RTN4RL1: variants seen among roughly 807,000 people sequenced by gnomAD.
RTN4RL1 encodes the protein reticulon-4 receptor-like 1.
Under a neutral mutation model 25.6 loss-of-function variants are expected in RTN4RL1, and 7 were observed. The observed-to-expected ratio is 0.27, with a 90% CI of 0.16 to 0.51. The LOEUF (loss-of-function observed/expected upper bound fraction) is 0.51, where lower values mean the gene tolerates loss of function less well. RTN4RL1 is among the 20% of genes least tolerant of loss of function. The pLI, the probability that RTN4RL1 is intolerant of heterozygous loss-of-function variation, is 0.97. For missense variants in RTN4RL1, 500 were observed against 615.6 expected (o/e 0.81, Z 1.99); for synonymous variants, 297 against 288.2 (o/e 1.03, Z -0.31).
chr17:1,962,450 C>T (rs956288875), intron 1 of RTN4RL1, among the ~76,000 whole-genome samples: 4 of 138,732 alleles, frequency 2.9e-5, no homozygotes, highest in African/African-American at 9.9e-5. Flanking sequence ...CTCCGTCTCC[C>T]GGGTTCAAGT....
At chr17:1,993,203 G>A (rs958517985) in intron 1 of RTN4RL1, among the ~76,000 whole-genome samples, 1 of 152,074 alleles carries the variant, frequency 6.6e-6, no homozygotes. Flanking sequence ...AGCTGAGATC[G>A]CGCCACCGCA....
At chr17:2,002,098 G>T (rs1244142079) in intron 1 of RTN4RL1, among the ~76,000 whole-genome samples, 1 of 151,710 alleles carries the variant, frequency 6.6e-6, no homozygotes. Flanking sequence ...TGAGGAGAAA[G>T]AAATACATAT....
intron 1 of RTN4RL1, chr17:2,020,244 T>A (rs556360256): frequency 1.3e-5 from 2 of 152,276 alleles, no homozygotes; most frequent in South Asian, 4.1e-4. Flanking sequence ...TAAGGGTTCT[T>A]CTATCTCCCC....
At chr17:1,969,040 G>A (rs552737162) in intron 1 of RTN4RL1, among the ~76,000 whole-genome samples, 2 of 149,886 alleles carry the variant, frequency 1.3e-5, no homozygotes, top group East Asian at 3.9e-4. Flanking sequence ...GACTCGTGGG[G>A]GAGCTGGACC....
intron 1 of RTN4RL1, among the ~76,000 whole-genome samples, chr17:1,979,964 C>T (rs2066860192): frequency 6.6e-6 from 1 of 152,200 alleles, no homozygotes; most frequent in African/African-American, 2.4e-5. Context: ...TGCTGAGCCC[C>T]AGGAGCTGAA....
intron 1 of RTN4RL1, among the ~76,000 whole-genome samples, chr17:1,938,717 C>G (rs983985746): frequency 6.6e-6 from 1 of 152,060 alleles, no homozygotes; most frequent in Non-Finnish European, 1.5e-5. Context: ...TCAAAACATA[C>G]GGGCAACACC....
At chr17:1,967,529 C>T (rs1008011121) in intron 1 of RTN4RL1, among the ~76,000 whole-genome samples, 13 of 152,130 alleles carry the variant, frequency 8.5e-5, no homozygotes, top group African/African-American at 2.7e-4. Context: ...CTCCAAAGGC[C>T]GCCTCCTCCC....
chr17:2,010,572 G>A (rs1186397892), intron 1 of RTN4RL1, among the ~76,000 whole-genome samples: 1 of 152,024 alleles, frequency 6.6e-6, no homozygotes, highest in Non-Finnish European at 1.5e-5. Flanking sequence ...TATTTATTTA[G>A]AGATGGGGTC....
rs1915327944 is a variant in RTN4RL1, at chr17:1,937,221, G to A, written c.601C>T (p.Arg201Cys). 2 of 1,612,272 alleles carry A rather than the reference G, an allele frequency of 1.2e-6. No homozygotes were observed. Among genetic ancestry groups the A allele is most frequent in the Non-Finnish European group, 8.5e-7 (1 of 1,179,862 alleles). The change falls in exon 2 of 2, where the codon CGT becomes TGT. Residue 201 changes from arginine to cysteine, a missense_variant. Physicochemically the swap from Arg to Cys is radical, Grantham distance 180. Coordinates refer to ENST00000331238, the MANE Select transcript of RTN4RL1 (RefSeq NM_178568.4). ...GTFRGLVNLD[R>C]LLLHENQLQW... The stretch of plus-strand genomic sequence containing the variant: ...AGCTGGTTCTCGTGCAGCAAAAGAC[G>A]GTCCAGGTTCACCAGGCCCCGGAAG...
rs756549624 is a variant in RTN4RL1 at position 1,937,823 on chromosome 17, G to A, written c.14-15C>T. 1.3e-5 allele frequency: 20 copies of A among 1,563,126 alleles called. No individual in the cohort carries two copies. The East Asian group carries it at 1.4e-4, about 11-fold the overall frequency. Reference sequence around the variant, plus strand: ...CACACAGCACCCTGGCAGGGAGAGAGAGCACAGCCAGGTCAGGGGCCGTGC... The same window carrying A: ...CACACAGCACCCTGGCAGGGAGAGAAAGCACAGCCAGGTCAGGGGCCGTGC... On this transcript the variant is annotated splice_polypyrimidine_tract_variant and intron_variant, in intron 1 of 1. Transcript: ENST00000331238.
chr17:1,975,255 A>C (rs568569781), intron 1 of RTN4RL1, among the ~76,000 whole-genome samples: 18 of 152,336 alleles, frequency 1.2e-4, no homozygotes, highest in African/African-American at 4.3e-4. Flanking sequence ...ACACCCACCC[A>C]GAAATGAGTC....
intron 1 of RTN4RL1, among the ~76,000 whole-genome samples, chr17:2,021,789 C>T (rs183717929): frequency 1.3e-5 from 2 of 150,382 alleles, no homozygotes; most frequent in Non-Finnish European, 3.0e-5. Context: ...TCCTGACCTC[C>T]GGTGATCCTC....
chr17:2,001,927 T>TGGGGGAGTGG (rs1555520651), intron 1 of RTN4RL1, among the ~76,000 whole-genome samples: 1 of 146,194 alleles, frequency 6.8e-6, no homozygotes, highest in African/African-American at 2.5e-5. Flanking sequence ...ACTTCAGCCC[T>TGGGGGAGTGG]GGGGGAGGGG....
intron 1 of RTN4RL1, among the ~76,000 whole-genome samples, chr17:1,977,229 G>A (rs966424377): frequency 8.5e-5 from 13 of 152,214 alleles, no homozygotes; most frequent in African/African-American, 2.9e-4. Flanking sequence ...CGGGCGAGAC[G>A]CTGGGAAGGT....
chr17:2,023,158 C>A (rs978744266), intron 1 of RTN4RL1, among the ~76,000 whole-genome samples: 1 of 152,234 alleles, frequency 6.6e-6, no homozygotes, highest in Non-Finnish European at 1.5e-5. Flanking sequence ...GCAGCCCAGA[C>A]ATGGCGGCCT....
chr17:1,986,748 T>TTAAA (rs2066889060), intron 1 of RTN4RL1, among the ~76,000 whole-genome samples: 1 of 147,270 alleles, frequency 6.8e-6, no homozygotes, highest in South Asian at 2.1e-4. Context: ...TAATAGCCAT[T>TTAAA]AAAAAAAAAA....
At chr17:1,968,608 T>C (rs4239063) in intron 1 of RTN4RL1, among the ~76,000 whole-genome samples, 58,095 of 151,642 alleles carry the variant, frequency 0.38, 11,472 homozygotes, top group Admixed American at 0.53. Flanking sequence ...GAGCTAATGT[T>C]CCCTGCATGT....
chr17:1,983,854 CCGTACT>C (rs2066877400), intron 1 of RTN4RL1, among the ~76,000 whole-genome samples: 1 of 152,228 alleles, frequency 6.6e-6, no homozygotes, highest in African/African-American at 2.4e-5. Context: ...GAACCTAACT[CCGTACT>C]CATGACTCGT....
At chr17:1,966,135 A>AG (rs1389432485) in intron 1 of RTN4RL1, among the ~76,000 whole-genome samples, 4 of 152,120 alleles carry the variant, frequency 2.6e-5, no homozygotes, top group African/African-American at 9.7e-5. Flanking sequence ...TATTCCCAGG[A>AG]GACAGATGGA....
Sources: allele counts gnomAD v4.1 joint callset (sites outside exome capture counted in the v4.1 genomes callset), GRCh38; gene constraint gnomAD v4.1.1; transcripts MANE v1.5; gene names NCBI Gene and HGNC (gene_info 2026-07-23, HGNC 2026-07-21).